Variants in EPB41L4A observed in about 807,000 individuals in gnomAD.
The protein encoded by EPB41L4A is erythrocyte membrane protein band 4.1 like 4A.
EPB41L4A carries 100 observed loss-of-function variants against 108.6 expected under a neutral mutation model. The observed-to-expected ratio is 0.92, with a 90% CI of 0.78 to 1.09. The LOEUF (loss-of-function observed/expected upper bound fraction) is 1.09. Among genes scored for constraint, EPB41L4A ranks in the 50% least tolerant of loss-of-function variants. The pLI is 0.00. For synonymous variants in EPB41L4A, 319 were observed against 289.0 expected (o/e 1.10, Z -1.05); for missense variants, 1,030 against 842.7 (o/e 1.22, Z -2.75).
chr5:112,159,090 G>A (rs1458067945), downstream of EPB41L4A, among the ~76,000 whole-genome samples: 2 of 152,126 alleles, frequency 1.3e-5, no homozygotes, highest in Admixed American at 6.5e-5. Context: ...ATTCTGTACA[G>A]TCATTTTCTC....
At chr5:112,216,196 C>T (rs7700588) in intron 12 of EPB41L4A, among the ~76,000 whole-genome samples, 104,293 of 152,026 alleles carry the variant, frequency 0.69, 36,269 homozygotes, top group East Asian at 0.97. Context: ...GCTACTTTAT[C>T]TGGGGGCAAT....
intron 12 of EPB41L4A, among the ~76,000 whole-genome samples, chr5:112,224,425 A>G (rs1246267993): frequency 2.6e-5 from 4 of 152,206 alleles, no homozygotes; most frequent in African/African-American, 9.7e-5. Flanking sequence ...ATTCCACTGT[A>G]TCTATTTTTC....
chr5:112,408,418 GA>G (rs1762209260), intron 1 of EPB41L4A, among the ~76,000 whole-genome samples: 1 of 152,030 alleles, frequency 6.6e-6, no homozygotes, highest in African/African-American at 2.4e-5. Context: ...GTATAAAGAT[GA>G]CCCAAATGGG....
intron 1 of EPB41L4A, among the ~76,000 whole-genome samples, chr5:112,345,870 ATAC>A (rs1268529114): frequency 1.3e-5 from 2 of 151,942 alleles, no homozygotes; most frequent in African/African-American, 2.4e-5. Flanking sequence ...TTTTCTTGTT[ATAC>A]TACTACATTT....
intron 1 of EPB41L4A, among the ~76,000 whole-genome samples, chr5:112,316,072 G>A (rs1359290037): frequency 6.6e-6 from 1 of 152,130 alleles, no homozygotes; most frequent in Non-Finnish European, 1.5e-5. Flanking sequence ...AGCTACAAAA[G>A]GCTTATAATC....
intron 9 of EPB41L4A, among the ~76,000 whole-genome samples, chr5:112,252,818 A>G (rs1750786903): frequency 6.6e-6 from 1 of 151,522 alleles, no homozygotes; most frequent in Non-Finnish European, 1.5e-5. Flanking sequence ...AAACCTGCAC[A>G]TGTACCCTTT....
At chr5:112,154,133 C>T (rs1395200768) in intron 12 of EPB41L4A, among the ~76,000 whole-genome samples, 1 of 152,072 alleles carries the variant, frequency 6.6e-6, no homozygotes, top group Non-Finnish European at 1.5e-5. Flanking sequence ...TGGATATAAA[C>T]TGGCTAATTT....
chr5:112,176,706 T>C (rs1347474624), intron 18 of EPB41L4A, among the ~76,000 whole-genome samples: 2 of 151,576 alleles, frequency 1.3e-5, no homozygotes, highest in African/African-American at 4.8e-5. Context: ...CTTCCTTTCT[T>C]CCTCTTTCTC....
In EPB41L4A at chr5:112,259,476, C is replaced by G. The variant is rs543127998; in HGVS notation, c.732-184G>C. Among the ~76,000 whole-genome samples the G allele has an allele frequency of 2.6e-5, 4 of 152,270 alleles. No individual in the cohort carries two copies. The East Asian group carries it at 7.7e-4, about 29-fold the overall frequency. On this transcript the variant is annotated intron_variant, in intron 8 of 22. Coordinates refer to ENST00000261486, the MANE Select transcript of EPB41L4A (RefSeq NM_022140.5). ...CTAATGAAAACTCCATTCTCATTGT[C>G]CTATGCTTCTCCACTAAATGCACAA...
intron 2 of EPB41L4A, among the ~76,000 whole-genome samples, chr5:112,306,124 T>C (rs1253719183): frequency 1.3e-5 from 2 of 152,136 alleles, no homozygotes; most frequent in East Asian, 1.9e-4. Context: ...TCTGACATAG[T>C]AGATAAGATC....
At chr5:112,241,484 CA>C (rs1749783670) in intron 9 of EPB41L4A, among the ~76,000 whole-genome samples, 1 of 152,128 alleles carries the variant, frequency 6.6e-6, no homozygotes, top group African/African-American at 2.4e-5. Context: ...ATTGAAGGTA[CA>C]AATCAGCCCT....
At chr5:112,379,066 C>A (rs983632768) in intron 1 of EPB41L4A, among the ~76,000 whole-genome samples, 44 of 152,148 alleles carry the variant, frequency 2.9e-4, no homozygotes, top group African/African-American at 1.0e-3. Flanking sequence ...GTGGAACACA[C>A]TGAGCTAATA....
At chr5:112,386,080 T>C (rs1474773945) in intron 1 of EPB41L4A, among the ~76,000 whole-genome samples, 1 of 152,258 alleles carries the variant, frequency 6.6e-6, no homozygotes, top group Non-Finnish European at 1.5e-5. Flanking sequence ...AAAGGCATAA[T>C]GGAATGAAGT....
chr5:112,358,700 C>T (rs1288290487), intron 1 of EPB41L4A, among the ~76,000 whole-genome samples: 2 of 152,196 alleles, frequency 1.3e-5, no homozygotes, highest in Admixed American at 1.3e-4. Context: ...AATTCCACTT[C>T]TAGGTATACA....
intron 1 of EPB41L4A, among the ~76,000 whole-genome samples, chr5:112,314,527 AAAAAAAAAAAAG>A (rs1486093163): frequency 2.0e-4 from 27 of 133,066 alleles, no homozygotes; most frequent in Non-Finnish European, 2.6e-4. Context: ...AAAAAAAAAA[AAAAAAAAAAAAG>A]AAAAGAAATT....
chr5:112,192,435 T>C (rs1426845423), intron 17 of EPB41L4A, among the ~76,000 whole-genome samples: 8 of 152,218 alleles, frequency 5.3e-5, no homozygotes, highest in African/African-American at 1.4e-4. Context: ...GCAATATTTC[T>C]ATACGTAGCA....
At chr5:112,166,663 A>G (rs942489508) in intron 22 of EPB41L4A, among the ~76,000 whole-genome samples, 4 of 152,110 alleles carry the variant, frequency 2.6e-5, no homozygotes, top group African/African-American at 9.7e-5. Context: ...GCATACTCCT[A>G]TTTGTTTTAA....
At chr5:112,320,892 A>T (rs1287085159) in intron 1 of EPB41L4A, among the ~76,000 whole-genome samples, 1 of 152,164 alleles carries the variant, frequency 6.6e-6, no homozygotes, top group Admixed American at 6.5e-5. Flanking sequence ...TGTGGTCTAA[A>T]ACTCTGCTAC....
chr5:112,395,758 A>AT, intron 1 of EPB41L4A, among the ~76,000 whole-genome samples: 1 of 152,164 alleles, frequency 6.6e-6, no homozygotes, highest in Non-Finnish European at 1.5e-5. Context: ...ATATACCCAA[A>AT]GATTATAAAT....
Sources: gnomAD v4.1 joint callset for allele counts (sites outside exome capture counted in the v4.1 genomes callset) on GRCh38, gnomAD v4.1.1 for gene constraint, MANE v1.5 for transcripts, NCBI Gene and HGNC (gene_info 2026-07-23, HGNC 2026-07-21) for gene names.